The following GRHL1 variants were observed in gnomAD, a reference collection of about 807,000 sequenced individuals.
The protein encoded by GRHL1 is grainyhead-like protein 1 homolog.
A neutral mutation model predicts 75.7 loss-of-function variants in GRHL1; 38 were observed. That is an observed-to-expected ratio of 0.50 (90% confidence interval 0.39 to 0.66). The LOEUF (loss-of-function observed/expected upper bound fraction) is 0.66. GRHL1 is among the 30% of genes least tolerant of loss of function. The pLI is 0.00. For synonymous variants in GRHL1, 266 were observed against 279.4 expected, an observed-to-expected ratio of 0.95 and a Z score of 0.48; for missense variants, 589 against 767.5, an observed-to-expected ratio of 0.77 and a Z score of 2.75.
Position 9,961,447 on chromosome 2 carries a change from A to G in GRHL1, c.669+11A>G, listed in dbSNP as rs1473415053. 1.3e-6 allele frequency: 2 copies of G among 1,591,182 alleles called. No homozygotes were observed. The highest frequency in any genetic ancestry group is 1.3e-5 in the African/African-American group (1 of 74,150). Reference sequence around the variant, plus strand: ...GAAGGCGTTCAGGAGGTAAGGAAACAAAAACATCTTCCTAAGACGCCTGCG... The same window carrying G: ...GAAGGCGTTCAGGAGGTAAGGAAACGAAAACATCTTCCTAAGACGCCTGCG... On this transcript the variant is annotated intron_variant, in intron 4 of 15. Coordinates refer to ENST00000324907, the MANE Select transcript of GRHL1 (RefSeq NM_198182.3).
intron 9 of GRHL1, 130 bp downstream of exon 9, chr2:9,986,412 T>C: frequency 2.5e-6 from 1 of 393,610 alleles, no homozygotes; most frequent in Non-Finnish European, 4.2e-6. Context: ...AAAATTATTT[T>C]TATTTATTTA....
chr2:9,974,222 C>G (rs1020994216), intron 8 of GRHL1, among the ~76,000 whole-genome samples: 1 of 152,186 alleles, frequency 6.6e-6, no homozygotes, highest in Non-Finnish European at 1.5e-5. Flanking sequence ...AAGCCTGAGG[C>G]TCAATCACAG....
intron 8 of GRHL1, among the ~76,000 whole-genome samples, chr2:9,966,840 G>A (rs1043069878): frequency 3.3e-5 from 5 of 152,226 alleles, no homozygotes; most frequent in African/African-American, 1.2e-4. Flanking sequence ...AGGTGATTGT[G>A]GCTTTAGAAG....
Position 9,999,072 on chromosome 2 carries a change from G to A in GRHL1, c.1742+43G>A. The A allele has an allele frequency of 2.9e-6, 3 of 1,038,830 alleles. No homozygotes were observed. The South Asian group carries it at 4.4e-5, about 15-fold the overall frequency. 64.4% of individuals were successfully genotyped at this position (1,038,830 alleles called of 1,614,324 possible). A position where few individuals can be genotyped will look rare whatever the true frequency, so the allele number is the denominator to read the frequency against. ...CCTGTGTACCTCGGAAAGTGCTGAT[G>A]CCCCCCGCAGTGCTAGTGTGACGCA... On this transcript the variant is annotated intron_variant, in intron 15 of 15. Coordinates refer to ENST00000324907, the MANE Select transcript of GRHL1 (RefSeq NM_198182.3).
chr2:9,979,765 C>T (rs1296153539), intron 8 of GRHL1, among the ~76,000 whole-genome samples: 1 of 152,214 alleles, frequency 6.6e-6, no homozygotes, highest in African/African-American at 2.4e-5. Flanking sequence ...AGCCTTTTTG[C>T]TAGTTCATGA....
rs1415197529 is a variant in GRHL1, at chr2:9,957,553, G to T, written c.208-1233G>T. ...GCCTCCCGAGTAGCTAGGACTGCAG[G>T]CGTGTGCCACCATGCCCAGCTAATT... On this transcript the variant is annotated intron_variant, in intron 2 of 15. Transcript: ENST00000324907. 2.0e-5 allele frequency among the ~76,000 whole-genome samples: 3 copies of T among 152,140 alleles called. No homozygotes were observed. In the East Asian group the frequency reaches 5.8e-4, roughly 29 times the overall value.
chr2:9,993,769 C>A (rs1481470492), intron 12 of GRHL1, among the ~76,000 whole-genome samples: 1 of 152,190 alleles, frequency 6.6e-6, no homozygotes, highest in Non-Finnish European at 1.5e-5. Context: ...TAATGGTGTT[C>A]TTTGGTCACT....
chr2:9,964,117 GA>G, intron 6 of GRHL1, 75 bp downstream of exon 6: 3 of 1,440,054 alleles, frequency 2.1e-6, no homozygotes, highest in Non-Finnish European at 1.9e-6. Context: ...AAGCAGCTCT[GA>G]ATGACCGCCT....
chr2:9,998,564 ATG>A (rs1287900278), intron 14 of GRHL1, among the ~76,000 whole-genome samples: 1 of 57,006 alleles, frequency 1.8e-5, no homozygotes, highest in African/African-American at 8.3e-5. Flanking sequence ...ATGTGTGTAC[ATG>A]TATATATATA....
intron 8 of GRHL1, among the ~76,000 whole-genome samples, chr2:9,983,995 A>G (rs1668310260): frequency 6.6e-6 from 1 of 152,010 alleles, no homozygotes; most frequent in Admixed American, 6.5e-5. Context: ...TCTCTACTAA[A>G]AATACAAAAT....
rs78547695 is a variant in GRHL1, at chr2:9,984,688, T to A, written c.1111-1436T>A. On this transcript the variant is annotated intron_variant, in intron 8 of 15. Transcript: ENST00000324907. ...CCTGGATGGGTTCTCGCCGGCTTAG[T>A]GCATTGCTCAGGCACATGCTAGCAG... 7.5e-3 allele frequency among the ~76,000 whole-genome samples: 1,148 copies of A among 152,296 alleles called. 12 individuals carry two copies. Among genetic ancestry groups the A allele is most frequent in the African/African-American group, 0.026 (1,094 of 41,560 alleles).
Position 9,955,001 on chromosome 2 carries a change from T to A in GRHL1, c.107T>A (p.Phe36Tyr), listed in dbSNP as rs1282332709. ...AGTGAGGATGAGGCCTGGAAATCCT[T>A]CCTGGAAAACCCTCTCACTGCAGCG... is the stretch of plus-strand genomic sequence containing the variant. ...YTSEDEAWKS[F>Y]LENPLTAATK... Residue 36 changes from phenylalanine to tyrosine, a missense_variant, in exon 2 of 16, where the codon TTC becomes TAC. This residue lies in a region of GRHL1 where 362 missense variants were observed against 461.8 expected (regional missense o/e 0.78). Transcript: ENST00000324907. 1.2e-6 allele frequency: 2 copies of A among 1,613,570 alleles called. No homozygotes were observed. The highest frequency in any genetic ancestry group is 4.5e-5 in the East Asian group (2 of 44,876).
chr2:9,952,141 C>CG (rs1428997997), intron 1 of GRHL1, among the ~76,000 whole-genome samples: 1 of 151,934 alleles, frequency 6.6e-6, no homozygotes, highest in East Asian at 1.9e-4. Flanking sequence ...CCCTCGGGCG[C>CG]GCACCTTGGG....
chr2:9,965,646 C>T (rs1572345805), intron 8 of GRHL1: 2 of 432,188 alleles, frequency 4.6e-6, no homozygotes, highest in South Asian at 9.3e-5. Context: ...AGTCTGACTC[C>T]TCATTTGCTT....
intron 3 of GRHL1, 145 bp from the exon 4 acceptor site, chr2:9,960,897 TTATC>T: frequency 1.7e-6 from 1 of 582,098 alleles, no homozygotes; most frequent in Non-Finnish European, 3.0e-6. Flanking sequence ...CTTTTTCCCT[TTATC>T]TAGTAATGGG....
chr2:9,991,755 C>T (rs1329701952), intron 10 of GRHL1, among the ~76,000 whole-genome samples: 1 of 152,180 alleles, frequency 6.6e-6, no homozygotes, highest in Non-Finnish European at 1.5e-5. Context: ...TGTGGATATG[C>T]GTCTGTGTGT....
chr2:9,995,262 C>G (rs62127501), intron 12 of GRHL1: 1 of 152,104 alleles, frequency 6.6e-6, no homozygotes, highest in East Asian at 1.9e-4. Context: ...AAGGTTATCT[C>G]AGATCCTGCC....
intron 15 of GRHL1, among the ~76,000 whole-genome samples, chr2:9,999,646 A>G (rs1032517430): frequency 6.6e-6 from 1 of 152,100 alleles, no homozygotes; most frequent in African/African-American, 2.4e-5. Context: ...TCAGGATCCT[A>G]TTTCCAAGTT....
rs963686770 is a variant in GRHL1, at chr2:9,978,753, G to A, written c.1111-7371G>A. Among the ~76,000 whole-genome samples the A allele has an allele frequency of 1.8e-4, 27 of 152,158 alleles. 1 individual carries two copies. Among genetic ancestry groups the A allele is most frequent in the Admixed American group, 4.6e-4 (7 of 15,278 alleles). ...TGCCTGTAATCCCAGCACTTTGGGA[G>A]GCCGAGGCAGATGGATCACCTGAGG... is the stretch of plus-strand genomic sequence containing the variant. On this transcript the variant is annotated intron_variant, in intron 8 of 15. Transcript: ENST00000324907.
Sources: gnomAD v4.1 joint callset for allele counts (sites outside exome capture counted in the v4.1 genomes callset) on GRCh38, gnomAD v4.1.1 for gene constraint, gnomAD v4.1.1 regional missense constraint, MANE v1.5 for transcripts, NCBI Gene and HGNC (gene_info 2026-07-23, HGNC 2026-07-21) for gene names.